Variants in RBM33 observed in about 807,000 individuals in gnomAD.
RBM33 encodes RNA binding motif protein 33.
A neutral mutation model predicts 132.6 loss-of-function variants in RBM33; 28 were observed. The observed-to-expected ratio is 0.21, with a 90% CI of 0.16 to 0.29. The LOEUF (loss-of-function observed/expected upper bound fraction) is 0.29. RBM33 is among the 10% of genes least tolerant of loss of function. The pLI, the probability that RBM33 is intolerant of heterozygous loss-of-function variation, is 1.00. For missense variants in RBM33, 1,291 were observed against 1,518.5 expected (o/e 0.85, Z 2.49); for synonymous variants, 634 against 593.0 (o/e 1.07, Z -1.01).
intron 3 of RBM33, among the ~76,000 whole-genome samples, chr7:155,677,145 C>T (rs935429610): frequency 5.3e-5 from 8 of 152,000 alleles, no homozygotes; most frequent in Middle Eastern, 3.2e-3. Flanking sequence ...ATGGCATTTC[C>T]TTTCAGTCTC....
chr7:155,680,446 T>C lies in RBM33; in HGVS notation c.249-144T>C, dbSNP rs1381272484. 13 of 652,082 alleles carry C rather than the reference T, an allele frequency of 2.0e-5. No homozygotes were observed. The African/African-American group carries it at 2.0e-4, about 10-fold the overall frequency. The allele number at this position is 652,082 out of a possible 1,614,324, so 40.4% of individuals were successfully genotyped here. ...CTCTGTATAGCATTTTGAGTACTGTTGGAGTTAATGTGCATTTGTCAGTAA... is the reference window on the plus strand; with the variant it reads ...CTCTGTATAGCATTTTGAGTACTGTCGGAGTTAATGTGCATTTGTCAGTAA... On this transcript the variant is annotated intron_variant, in intron 4 of 17. Transcript: ENST00000401878.
chr7:155,646,979 A>G (rs983642874), intron 1 of RBM33, among the ~76,000 whole-genome samples: 1 of 152,256 alleles, frequency 6.6e-6, no homozygotes, highest in African/African-American at 2.4e-5. Flanking sequence ...AGTCATTTCC[A>G]CGTGATTTAC....
At chr7:155,685,179 A>G (rs1799442688) in intron 5 of RBM33, 7 of 976,596 alleles carry the variant, frequency 7.2e-6, no homozygotes, top group Non-Finnish European at 1.0e-5. Flanking sequence ...ATAGTGAAAA[A>G]CTTGAACTTT....
At chr7:155,732,201 T>C (rs1307632569) in intron 9 of RBM33, among the ~76,000 whole-genome samples, 4 of 152,218 alleles carry the variant, frequency 2.6e-5, no homozygotes, top group Non-Finnish European at 4.4e-5. Context: ...TAATTACCTG[T>C]CATTCTGAAT....
chr7:155,735,961 C>A (rs1422129326), intron 9 of RBM33, among the ~76,000 whole-genome samples: 1 of 152,158 alleles, frequency 6.6e-6, no homozygotes, highest in African/African-American at 2.4e-5. Context: ...TTCCTTGTTT[C>A]ACCTAAAGTC....
chr7:155,712,919 T>G (rs1161954277), intron 8 of RBM33, among the ~76,000 whole-genome samples: 1 of 152,244 alleles, frequency 6.6e-6, no homozygotes. Flanking sequence ...TTCCTCTTGC[T>G]GCCGTGTTGA....
intron 6 of RBM33, among the ~76,000 whole-genome samples, chr7:155,702,931 G>GC (rs35349800): frequency 0.34 from 52,088 of 152,024 alleles, 9,557 homozygotes; most frequent in African/African-American, 0.45. Flanking sequence ...ACAAATGGGG[G>GC]CTTTCCCCAA....
intron 9 of RBM33, among the ~76,000 whole-genome samples, chr7:155,730,711 T>G (rs1475270654): frequency 6.6e-6 from 1 of 152,180 alleles, no homozygotes; most frequent in Non-Finnish European, 1.5e-5. Flanking sequence ...AGTGATGGAT[T>G]TTAAAGGCTT....
intron 2 of RBM33, among the ~76,000 whole-genome samples, chr7:155,670,674 CGT>C (rs1157551593): frequency 1.2e-4 from 18 of 151,952 alleles, no homozygotes; most frequent in Admixed American, 1.2e-3. Flanking sequence ...ATGAAAAGCT[CGT>C]GTGTGTGGAA....
intron 7 of RBM33, among the ~76,000 whole-genome samples, chr7:155,708,624 G>A (rs890086173): frequency 2.6e-5 from 4 of 152,182 alleles, no homozygotes; most frequent in African/African-American, 9.7e-5. Flanking sequence ...TGATGGTGAC[G>A]TTGTATCTCT....
At chr7:155,692,051 C>CAA (rs1363312755) in intron 5 of RBM33, among the ~76,000 whole-genome samples, 7,863 of 108,420 alleles carry the variant, frequency 0.073, 324 homozygotes, top group African/African-American at 0.14. Context: ...ACCCTCTGTC[C>CAA]AAAAAAAAAA....
intron 7 of RBM33, among the ~76,000 whole-genome samples, chr7:155,707,884 T>C (rs1463959728): frequency 6.6e-6 from 1 of 152,214 alleles, no homozygotes; most frequent in Non-Finnish European, 1.5e-5. Flanking sequence ...GGTCTCGAAC[T>C]CCTGACCTCA....
intron 1 of RBM33, among the ~76,000 whole-genome samples, chr7:155,664,728 C>T (rs1431278808): frequency 6.6e-6 from 1 of 152,142 alleles, no homozygotes. Context: ...CGTTGCTCAG[C>T]ACATCTCTGC....
chr7:155,723,030 C>G (rs1037486941), intron 9 of RBM33, among the ~76,000 whole-genome samples: 5 of 152,150 alleles, frequency 3.3e-5, no homozygotes, highest in Non-Finnish European at 7.4e-5. Context: ...TTACTTAGAC[C>G]TGGCAAACGA....
chr7:155,751,963 A>G (rs185952197), intron 14 of RBM33, among the ~76,000 whole-genome samples: 95 of 152,036 alleles, frequency 6.2e-4, no homozygotes, highest in Middle Eastern at 3.4e-3. Context: ...TCCTTCATCT[A>G]TTTGTTCATT....
chr7:155,743,681 G>A (rs1034526603), intron 13 of RBM33, among the ~76,000 whole-genome samples: 4 of 152,170 alleles, frequency 2.6e-5, no homozygotes, highest in African/African-American at 9.7e-5. Context: ...TCTTGATGAT[G>A]ATATAATAAA....
chr7:155,742,416 G>A (rs1388500864), intron 13 of RBM33, among the ~76,000 whole-genome samples: 1 of 152,128 alleles, frequency 6.6e-6, no homozygotes. Context: ...AGACTTTATA[G>A]TCCAGACTGT....
chr7:155,691,540 T>G (rs1799641803), intron 5 of RBM33, among the ~76,000 whole-genome samples: 2 of 152,230 alleles, frequency 1.3e-5, no homozygotes, highest in Non-Finnish European at 2.9e-5. Flanking sequence ...CCTGATACTC[T>G]ATAATATTTG....
chr7:155,655,561 C>CTTTTTTTG (rs1284789934), intron 1 of RBM33, among the ~76,000 whole-genome samples: 1 of 18,766 alleles, frequency 5.3e-5, no homozygotes, highest in African/African-American at 2.2e-4. Flanking sequence ...TTTTTTTTTA[C>CTTTTTTTG]TGTGCTGACA....
Sources: gnomAD v4.1 joint callset for allele counts (sites outside exome capture counted in the v4.1 genomes callset) on GRCh38, gnomAD v4.1.1 for gene constraint, MANE v1.5 for transcripts, NCBI Gene and HGNC (gene_info 2026-07-23, HGNC 2026-07-21) for gene names.